The following CDK13 variants were observed in gnomAD, a reference collection of about 807,000 sequenced individuals.
CDK13 encodes the protein cyclin dependent kinase 13, also known as cyclin-dependent kinase 13.
A neutral mutation model predicts 137.6 loss-of-function variants in CDK13; 40 were observed. That is an observed-to-expected ratio of 0.29 (90% CI 0.23 to 0.38). The LOEUF is 0.38. Among genes scored for constraint, CDK13 ranks in the 10% least tolerant of loss-of-function variants. The pLI is 1.00. For synonymous variants in CDK13, 869 were observed against 760.1 expected (o/e 1.14, Z -2.36); for missense variants, 1,704 against 1,951.8 (o/e 0.87, Z 2.39).
At chr7:40,062,610 C>T in intron 7 of CDK13, 1 of 499,748 alleles carries the variant, frequency 2.0e-6, no homozygotes, top group Non-Finnish European at 3.6e-6. Context: ...TTTTTATCTT[C>T]ATATATTAAG....
At chr7:40,039,054 C>CT (rs2150510477) in intron 5 of CDK13, among the ~76,000 whole-genome samples, 1 of 152,236 alleles carries the variant, frequency 6.6e-6, no homozygotes, top group African/African-American at 2.4e-5. Context: ...GCGCTTCGCT[C>CT]TTTTTTCGGA....
At chr7:40,029,511 A>G (rs1278943591) in intron 5 of CDK13, among the ~76,000 whole-genome samples, 1 of 151,642 alleles carries the variant, frequency 6.6e-6, no homozygotes, top group Non-Finnish European at 1.5e-5. Context: ...CACAAGGTCA[A>G]GAGATTGAGA....
chr7:40,027,678 T>TTG (rs1785273704), intron 5 of CDK13, among the ~76,000 whole-genome samples: 1 of 145,662 alleles, frequency 6.9e-6, no homozygotes, highest in Admixed American at 6.8e-5. Context: ...TTTTTTTTTT[T>TTG]GAGGATTCAC....
chr7:40,028,737 A>T (rs1174458147), intron 5 of CDK13, among the ~76,000 whole-genome samples: 1 of 152,056 alleles, frequency 6.6e-6, no homozygotes. Flanking sequence ...TTTTAACTAT[A>T]AATTCCTTAA....
intron 7 of CDK13, among the ~76,000 whole-genome samples, chr7:40,056,290 C>T (rs553730030): frequency 6.6e-6 from 1 of 152,122 alleles, no homozygotes; most frequent in Non-Finnish European, 1.5e-5. Flanking sequence ...TAGTAACGGT[C>T]ATTTTCATTT....
At chr7:40,042,178 C>T (rs776467876) in intron 5 of CDK13, among the ~76,000 whole-genome samples, 13 of 151,988 alleles carry the variant, frequency 8.6e-5, no homozygotes, top group Non-Finnish European at 1.8e-4. Flanking sequence ...CTCTCGGGTT[C>T]AAGTGATTCT....
chr7:39,982,065 G>A (rs974802165), intron 1 of CDK13, among the ~76,000 whole-genome samples: 224 of 148,080 alleles, frequency 1.5e-3, no homozygotes, highest in African/African-American at 5.5e-3. Context: ...TGCACAATGT[G>A]CAGGTTAGTT....
At chr7:39,982,906 C>A (rs1286881154) in intron 1 of CDK13, among the ~76,000 whole-genome samples, 4 of 152,118 alleles carry the variant, frequency 2.6e-5, no homozygotes, top group Non-Finnish European at 5.9e-5. Context: ...ATTGTAGATT[C>A]TGGGTATTAG....
At chr7:40,068,707 GAAAAAAAAAAAAAAA>G (rs1158145409) in intron 9 of CDK13, among the ~76,000 whole-genome samples, 1 of 47,082 alleles carries the variant, frequency 2.1e-5, no homozygotes, top group Non-Finnish European at 3.9e-5. Context: ...CTATGTCTCA[GAAAAAAAAAAAAAAA>G]AAAAAAAAAG....
At chr7:40,020,964 G>A (rs187898684) in intron 5 of CDK13, among the ~76,000 whole-genome samples, 2 of 152,238 alleles carry the variant, frequency 1.3e-5, no homozygotes, top group East Asian at 1.9e-4. Flanking sequence ...GGTAGTGGGT[G>A]CCTGTAGTCC....
At chr7:40,014,310 G>T (rs1293707791) in intron 5 of CDK13, among the ~76,000 whole-genome samples, 1 of 151,628 alleles carries the variant, frequency 6.6e-6, no homozygotes, top group Admixed American at 6.6e-5. Context: ...CTCGTGATCT[G>T]CCCGCCTCAG....
chr7:39,975,156 G>C (rs945163480), intron 1 of CDK13, among the ~76,000 whole-genome samples: 4 of 152,104 alleles, frequency 2.6e-5, no homozygotes, highest in African/African-American at 9.7e-5. Flanking sequence ...GCTCACACCT[G>C]TTATCCCAGC....
chr7:40,017,907 G>A (rs1263311330), intron 5 of CDK13, among the ~76,000 whole-genome samples: 1 of 150,382 alleles, frequency 6.6e-6, no homozygotes. Flanking sequence ...TCTTTAGCCT[G>A]TATGAAATTC....
At chr7:40,084,641 A>G (rs184219523) in intron 11 of CDK13, among the ~76,000 whole-genome samples, 50 of 152,370 alleles carry the variant, frequency 3.3e-4, no homozygotes, top group Non-Finnish European at 2.1e-4. Flanking sequence ...ACAAAATATC[A>G]GTTGCCATTA....
rs1382280020 is a variant in CDK13, at chr7:39,987,783, A to G, written c.1396A>G (p.Arg466Gly). 16 of 1,614,070 alleles carry G rather than the reference A, an allele frequency of 9.9e-6. No homozygotes were observed. Among genetic ancestry groups the G allele is most frequent in the Non-Finnish European group, 1.2e-5 (14 of 1,179,986 alleles). The stretch of plus-strand genomic sequence containing the variant: ...AAAAGCACGAGCAGCAGAGGCAGCA[A>G]GAGCCGCAGAAGCAGCGAAAGCTGC... ...NKKARAAEAA[R>G]AAEAAKAAEA... Residue 466 changes from arginine (R) to glycine (G), a missense_variant, in exon 2 of 14, where the codon AGA becomes GGA. Arg to Gly is a moderately radical substitution (Grantham distance 125). Transcript: ENST00000181839.
chr7:40,036,914 G>GT (rs1056847541), intron 5 of CDK13, among the ~76,000 whole-genome samples: 4 of 152,102 alleles, frequency 2.6e-5, no homozygotes, highest in Admixed American at 2.0e-4. Flanking sequence ...TCTCAAAAAT[G>GT]TTTTTTATAG....
chr7:39,955,539 C>T (rs1161998870), intron 1 of CDK13, among the ~76,000 whole-genome samples: 1 of 152,004 alleles, frequency 6.6e-6, no homozygotes, highest in Non-Finnish European at 1.5e-5. Context: ...GCGCTGGCCA[C>T]CTCACATAAT....
At chr7:39,995,068 A>AT (rs904818165) in intron 2 of CDK13, among the ~76,000 whole-genome samples, 2 of 151,302 alleles carry the variant, frequency 1.3e-5, no homozygotes, top group Non-Finnish European at 3.0e-5. Context: ...CAAATGTTTT[A>AT]TTTTTTTCTG....
In CDK13 at chr7:40,035,780, GTCCCCCCA is replaced by G. The variant is rs568545247; in HGVS notation, c.2354-10042_2354-10035del. On this transcript the variant is annotated intron_variant, in intron 5 of 13. Coordinates refer to ENST00000181839, the MANE Select transcript of CDK13 (RefSeq NM_003718.5). ...CCCAAAACCATCCCTCCACCCACCCGTCCCCCCATCCCCCCATCCCCAGTCCATGGAAA... is the reference window on the plus strand; with the variant it reads ...CCCAAAACCATCCCTCCACCCACCCGTCCCCCCATCCCCAGTCCATGGAAA... Among the ~76,000 whole-genome samples, 31 of 41,282 alleles carry G rather than the reference GTCCCCCCA, an allele frequency of 7.5e-4. 1 individual carries two copies. The highest frequency in any genetic ancestry group is 5.3e-3 in the Admixed American group (22 of 4,190). The allele number at this position is 41,282 out of a possible 152,430, so 27.1% of individuals were successfully genotyped here.
Sources: gnomAD v4.1 joint callset for allele counts (sites outside exome capture counted in the v4.1 genomes callset) on GRCh38, gnomAD v4.1.1 for gene constraint, MANE v1.5 for transcripts, NCBI Gene and HGNC (gene_info 2026-07-23, HGNC 2026-07-21) for gene names.